CELF2: variants seen among roughly 807,000 people sequenced by gnomAD.
The protein encoded by CELF2 is CUG triplet repeat RNA-binding protein 2.
A neutral mutation model predicts 62.6 loss-of-function variants in CELF2; 8 were observed. The ratio of observed to expected loss-of-function variants is 0.13; its 90% CI spans 0.07 to 0.23. CELF2 has a LOEUF of 0.23. Ranked by LOEUF, CELF2 falls within the 10% of genes least tolerant of loss-of-function variation. CELF2 has a pLI of 1.00. For synonymous variants in CELF2, 258 were observed against 250.0 expected (o/e 1.03, Z -0.30); for missense variants, 333 against 671.0 (o/e 0.50, Z 5.56).
intron 2 of CELF2, among the ~76,000 whole-genome samples, chr10:11,216,245 C>G (rs1457606453): frequency 2.0e-5 from 3 of 152,202 alleles, no homozygotes; most frequent in Non-Finnish European, 4.4e-5. Flanking sequence ...TCAAATTTCT[C>G]TTCCAAACGA....
the CELF2 span, among the ~76,000 whole-genome samples, chr10:10,717,532 TCTC>T: frequency 3.3e-5 from 5 of 152,162 alleles, no homozygotes; most frequent in African/African-American, 1.2e-4. Flanking sequence ...AGTTCTCTCT[TCTC>T]ACGTAAATGG....
Position 11,287,179 on chromosome 10 carries a change from TATTG to T in CELF2, c.842-1235_842-1232del, listed in dbSNP as rs564687429. On this transcript the variant is annotated intron_variant, in intron 8 of 12. Coordinates refer to ENST00000633077, the MANE Select transcript of CELF2 (RefSeq NM_001326342.2). ...AAGAAGACTGAATTTGCTCCGTAGA[TATTG>T]ATTAAGTATCTGGACTTAAGACCAG... Among the ~76,000 whole-genome samples, 77 of 152,316 alleles carry T rather than the reference TATTG, an allele frequency of 5.1e-4. No individual in the cohort carries two copies. The South Asian group carries it at 8.5e-3, about 17-fold the overall frequency.
chr10:10,721,928 T>A, the CELF2 span, among the ~76,000 whole-genome samples: 1 of 152,250 alleles, frequency 6.6e-6, no homozygotes, highest in African/African-American at 2.4e-5. Flanking sequence ...TTGAGGGTCA[T>A]GAAACCTATT....
chr10:10,650,988 C>G, the CELF2 span, among the ~76,000 whole-genome samples: 3 of 151,498 alleles, frequency 2.0e-5, no homozygotes, highest in African/African-American at 7.3e-5. Context: ...GAGTGCCAGA[C>G]AGTGGGCGCA....
At chr10:11,111,891 A>G (rs978541168) in intron 1 of CELF2, among the ~76,000 whole-genome samples, 2 of 152,262 alleles carry the variant, frequency 1.3e-5, no homozygotes, top group Non-Finnish European at 2.9e-5. Flanking sequence ...TGGTTGACTT[A>G]TAATAATCAA....
In CELF2 at chr10:11,207,661, A is replaced by G. The variant is rs1236146633; in HGVS notation, c.272-9764A>G. Among the ~76,000 whole-genome samples, 2 of 152,252 alleles carry G rather than the reference A, an allele frequency of 1.3e-5. No individual in the cohort carries two copies. Among genetic ancestry groups the G allele is most frequent in the African/African-American group, 4.8e-5 (2 of 41,458 alleles). On this transcript the variant is annotated intron_variant, in intron 2 of 12. Transcript: ENST00000633077. This position sits in a 1 kb window ranked among gnomAD's most constrained non-coding sequence, Gnocchi z 4.1. ...TCCTGGGATGGCACTTGGTAATCCA[A>G]ACCGTGGAGTCCACATAACTCACAT...
At chr10:10,876,231 C>T (rs372144981) in intron 1 of CELF2, among the ~76,000 whole-genome samples, 4 of 152,232 alleles carry the variant, frequency 2.6e-5, no homozygotes, top group African/African-American at 9.6e-5. Context: ...TGGAGAAATA[C>T]CTTCCCCTAT....
chr10:11,126,719 T>G (rs891361597), intron 1 of CELF2, among the ~76,000 whole-genome samples: 1 of 152,194 alleles, frequency 6.6e-6, no homozygotes, highest in Non-Finnish European at 1.5e-5. Flanking sequence ...TCTTTGACAT[T>G]TCATAAGTTT....
chr10:11,271,994 C>T (rs1590264249), intron 7 of CELF2, among the ~76,000 whole-genome samples: 1 of 152,180 alleles, frequency 6.6e-6, no homozygotes, highest in South Asian at 2.1e-4. Flanking sequence ...CGTGTCCCGC[C>T]GGCTGGCCAT....
the CELF2 span, among the ~76,000 whole-genome samples, chr10:10,699,700 A>T: frequency 1.3e-5 from 2 of 152,180 alleles, no homozygotes; most frequent in East Asian, 3.9e-4. Flanking sequence ...AGACTGGAAA[A>T]GTGAGAGAGG....
the CELF2 span, among the ~76,000 whole-genome samples, chr10:10,505,380 G>T: frequency 6.6e-6 from 1 of 152,056 alleles, no homozygotes; most frequent in Non-Finnish European, 1.5e-5. Flanking sequence ...CATGGTGAGG[G>T]TGACTTTATT....
At chr10:11,200,206 T>G (rs935042920) in intron 2 of CELF2, among the ~76,000 whole-genome samples, 14 of 152,326 alleles carry the variant, frequency 9.2e-5, no homozygotes, top group African/African-American at 3.4e-4. Context: ...TTCGCCCACA[T>G]GATTTTCAGT....
In CELF2 at chr10:11,067,517, T is replaced by C. The variant is rs191516262; in HGVS notation, c.74+49354T>C. ...TGCCTGTGTGGCGTATATTCTACTT[T>C]AAATAAAATTCCACACACAAGGCAA... On this transcript the variant is annotated intron_variant, in intron 1 of 12. Coordinates refer to ENST00000633077, the MANE Select transcript of CELF2 (RefSeq NM_001326342.2). Among the ~76,000 whole-genome samples the C allele has an allele frequency of 2.6e-5, 4 of 152,334 alleles. No homozygotes were observed. The East Asian group carries it at 7.7e-4, about 29-fold the overall frequency.
the CELF2 span, among the ~76,000 whole-genome samples, chr10:10,752,596 AG>A: frequency 2.9e-4 from 20 of 69,468 alleles, no homozygotes; most frequent in African/African-American, 1.1e-3. Context: ...AGGCTGAGGC[AG>A]GGGAATCGCT....
At chr10:10,792,469 C>A in the CELF2 span, 1 of 398,398 alleles carries the variant, frequency 2.5e-6, no homozygotes, top group East Asian at 3.6e-5. Flanking sequence ...AACTTGGCAA[C>A]TGTATTCGGC....
intron 2 of CELF2, among the ~76,000 whole-genome samples, chr10:10,943,271 T>C (rs1031671895): frequency 1.3e-5 from 2 of 152,212 alleles, no homozygotes; most frequent in African/African-American, 4.8e-5. Context: ...AAACCTAGAC[T>C]GAACCTCTAG....
At chr10:10,522,168 C>T in the CELF2 span, among the ~76,000 whole-genome samples, 4 of 152,306 alleles carry the variant, frequency 2.6e-5, no homozygotes, top group Middle Eastern at 3.4e-3. Context: ...GACCCAAGAG[C>T]CCTTCTCCAC....
At chr10:10,483,642 T>A in the CELF2 span, among the ~76,000 whole-genome samples, 2 of 152,276 alleles carry the variant, frequency 1.3e-5, no homozygotes, top group East Asian at 3.9e-4. Flanking sequence ...AGCAGTGAAA[T>A]AAAGACAGCA....
chr10:11,144,266 C>T (rs1450107217), intron 1 of CELF2, among the ~76,000 whole-genome samples: 1 of 152,162 alleles, frequency 6.6e-6, no homozygotes, highest in Non-Finnish European at 1.5e-5. Context: ...GTCCCTCTTG[C>T]TCATAATGAT....
Sources: gnomAD v4.1 joint callset for allele counts (sites outside exome capture counted in the v4.1 genomes callset) on GRCh38, gnomAD v4.1.1 for gene constraint, Gnocchi (gnomAD v3.1) non-coding constraint, MANE v1.5 for transcripts, NCBI Gene and HGNC (gene_info 2026-07-23, HGNC 2026-07-21) for gene names.